The following UGT1A9 variants were observed in gnomAD, a reference collection of about 807,000 sequenced individuals.
UGT1A9 encodes UDP-glucuronosyltransferase 1A9.
A neutral mutation model predicts 45.0 loss-of-function variants in UGT1A9; 35 were observed. The ratio of observed to expected loss-of-function variants is 0.78; its 90% confidence interval spans 0.59 to 1.03. The LOEUF is 1.03. Ranked by LOEUF, UGT1A9 falls within the 50% of genes least tolerant of loss-of-function variation. The probability of loss-of-function intolerance (pLI) is 0.00; values close to 1 mark genes in which losing one functional copy is unlikely to be tolerated. For missense variants in UGT1A9, 687 were observed against 666.6 expected, an observed-to-expected ratio of 1.03 and a Z score of -0.34; for synonymous variants, 278 against 250.6, an observed-to-expected ratio of 1.11 and a Z score of -1.03.
At chr2:233,768,098 G>A in intron 3 of UGT1A9, 122 bp from the exon 4 acceptor site, 1 of 1,590,736 alleles carries the variant, frequency 6.3e-7, no homozygotes, top group Non-Finnish European at 8.6e-7. Context: ...ATTTTCTTCT[G>A]CAAATTTCTG....
At chr2:233,760,638 A>G (rs752920136) in intron 1 of UGT1A9, 10 of 1,614,086 alleles carry the variant, frequency 6.2e-6, no homozygotes, top group African/African-American at 1.3e-5. Context: ...AGAAAATAAA[A>G]AAGGACTCTG....
intron 1 of UGT1A9, among the ~76,000 whole-genome samples, chr2:233,697,919 A>G (rs1671784522): frequency 6.6e-6 from 1 of 152,252 alleles, no homozygotes; most frequent in South Asian, 2.1e-4. Flanking sequence ...TTCTCCTAGA[A>G]GTCTAGGGTA....
intron 1 of UGT1A9, among the ~76,000 whole-genome samples, chr2:233,724,399 C>T (rs1329746304): frequency 1.5e-4 from 22 of 142,970 alleles, no homozygotes; most frequent in African/African-American, 5.2e-4. Flanking sequence ...CCTCACTTCC[C>T]AGATGGGGTG....
At chr2:233,727,858 G>A (rs2077658593) in intron 1 of UGT1A9, among the ~76,000 whole-genome samples, 1 of 152,180 alleles carries the variant, frequency 6.6e-6, no homozygotes, top group Non-Finnish European at 1.5e-5. Flanking sequence ...TCCTCCCTAA[G>A]GGAAGCCTCA....
chr2:233,693,878 A>C (rs1489546628), intron 1 of UGT1A9: 1 of 1,613,932 alleles, frequency 6.2e-7, no homozygotes. Flanking sequence ...TGGTGGGTTT[A>C]TTTCTTTTGG....
At chr2:233,705,763 A>G (rs1046936782) in intron 1 of UGT1A9, among the ~76,000 whole-genome samples, 2 of 152,212 alleles carry the variant, frequency 1.3e-5, no homozygotes, top group African/African-American at 4.8e-5. Context: ...TCAGCTGCAT[A>G]CTTTGAGTGT....
chr2:233,684,850 G>A lies in UGT1A9; in HGVS notation c.855+12061G>A, dbSNP rs541497962. ...TAGAAAAATTTATGGACACTGTATA[G>A]TGTTCCTTTCTTGTTTCATATGGGC... is the stretch of plus-strand genomic sequence containing the variant. On this transcript the variant is annotated intron_variant, in intron 1 of 4. Coordinates refer to ENST00000354728, the MANE Select transcript of UGT1A9 (RefSeq NM_021027.3). Among the ~76,000 whole-genome samples the A allele has an allele frequency of 8.5e-5, 13 of 152,312 alleles. No homozygotes were observed. The South Asian group carries it at 1.9e-3, about 22-fold the overall frequency.
In UGT1A9 at chr2:233,772,897, C is replaced by T. The variant is rs1320013324; in HGVS notation, c.*338C>T. 6.1e-6 allele frequency: 3 copies of T among 493,984 alleles called. No homozygotes were observed. Among genetic ancestry groups the T allele is most frequent in the Non-Finnish European group, 9.8e-6 (3 of 304,676 alleles). The allele number at this position is 493,984 out of a possible 1,614,324, so 30.6% of individuals were successfully genotyped here. A position where few individuals can be genotyped will look rare whatever the true frequency, so the allele number is the denominator to read the frequency against. ...AGTGCGGGATTCAAAGGTGGTCCCA[C>T]GGCTGCCCCTACTGCAAATGGCAGT... On this transcript the variant is annotated 3_prime_UTR_variant, in exon 5 of 5. Coordinates refer to ENST00000354728, the MANE Select transcript of UGT1A9 (RefSeq NM_021027.3).
intron 4 of UGT1A9, chr2:233,770,377 G>C (rs1211488828): frequency 6.6e-6 from 1 of 152,200 alleles, no homozygotes; most frequent in African/African-American, 2.4e-5. Flanking sequence ...GTTCTGGCCA[G>C]GTACGGTGGC....
chr2:233,722,521 T>G, intron 1 of UGT1A9, among the ~76,000 whole-genome samples: 1 of 152,232 alleles, frequency 6.6e-6, no homozygotes, highest in East Asian at 1.9e-4. Context: ...AGCTTATTTT[T>G]GCCTTAATGA....
At chr2:233,728,069 G>T (rs750317437) in intron 1 of UGT1A9, among the ~76,000 whole-genome samples, 1 of 152,220 alleles carries the variant, frequency 6.6e-6, no homozygotes, top group Non-Finnish European at 1.5e-5. Context: ...CCTTGTGAGT[G>T]CTCAGGGTCT....
rs200127379 is a variant in UGT1A9 at position 233,729,681 on chromosome 2, A to G, written c.856-37353A>G. On this transcript the variant is annotated intron_variant, in intron 1 of 4. Transcript: ENST00000354728. Reference sequence around the variant, plus strand: ...CATGTGATTTAGACTTTAAGGGCACACAGTGTCCAAACCCTTCCTCCTATA... The same window carrying G: ...CATGTGATTTAGACTTTAAGGGCACGCAGTGTCCAAACCCTTCCTCCTATA... 4 of 1,613,946 alleles carry G rather than the reference A, an allele frequency of 2.5e-6. No homozygotes were observed. In the East Asian group the frequency reaches 8.9e-5, roughly 36 times the overall value.
intron 1 of UGT1A9, among the ~76,000 whole-genome samples, chr2:233,680,391 A>G (rs1243241395): frequency 6.6e-6 from 1 of 152,208 alleles, no homozygotes; most frequent in East Asian, 1.9e-4. Flanking sequence ...TGCAATAGCA[A>G]CAGGAGGTAG....
At chr2:233,724,012 T>G (rs1202631633) in intron 1 of UGT1A9, among the ~76,000 whole-genome samples, 1 of 75,726 alleles carries the variant, frequency 1.3e-5, no homozygotes, top group East Asian at 3.2e-4. Context: ...AAGCCGCCAT[T>G]GTCATCCTGG....
chr2:233,725,910 A>G (rs538515194), intron 1 of UGT1A9, among the ~76,000 whole-genome samples: 2 of 152,318 alleles, frequency 1.3e-5, no homozygotes, highest in East Asian at 3.9e-4. Context: ...TCACACCTGC[A>G]ATTTCAGCCC....
intron 1 of UGT1A9, among the ~76,000 whole-genome samples, chr2:233,679,933 C>G (rs2074466746): frequency 6.6e-6 from 1 of 152,094 alleles, no homozygotes; most frequent in South Asian, 2.1e-4. Flanking sequence ...ATGTATTTCA[C>G]AAAAAGATGC....
At chr2:233,708,932 A>G (rs1026818706) in intron 1 of UGT1A9, among the ~76,000 whole-genome samples, 3 of 152,134 alleles carry the variant, frequency 2.0e-5, no homozygotes, top group Non-Finnish European at 4.4e-5. Context: ...GAGCCAAACT[A>G]TGTCACCAGA....
chr2:233,751,619 A>G (rs765633655), intron 1 of UGT1A9, among the ~76,000 whole-genome samples: 10 of 152,142 alleles, frequency 6.6e-5, no homozygotes, highest in Non-Finnish European at 1.3e-4. Flanking sequence ...AGGTGATTGG[A>G]TCATGTGTGC....
At chr2:233,700,272 A>T (rs1488856849) in intron 1 of UGT1A9, among the ~76,000 whole-genome samples, 1 of 152,218 alleles carries the variant, frequency 6.6e-6, no homozygotes, top group East Asian at 1.9e-4. Context: ...CTTAATAGGC[A>T]CTTTTTAAAA....
Sources: gnomAD v4.1 joint callset for allele counts (sites outside exome capture counted in the v4.1 genomes callset) on GRCh38, gnomAD v4.1.1 for gene constraint, MANE v1.5 for transcripts, NCBI Gene and HGNC (gene_info 2026-07-23, HGNC 2026-07-21) for gene names.